Variants in CCDC88A observed in about 807,000 individuals in gnomAD.
CCDC88A encodes the protein girdin.
A neutral mutation model predicts 234.3 loss-of-function variants in CCDC88A; 54 were observed. The ratio of observed to expected loss-of-function variants is 0.23; its 90% CI spans 0.19 to 0.29. CCDC88A has a LOEUF of 0.29. Among genes scored for constraint, CCDC88A ranks in the 10% least tolerant of loss-of-function variants. The pLI is 1.00. For synonymous variants in CCDC88A, 753 were observed against 737.8 expected (o/e 1.02, Z -0.33); for missense variants, 1,832 against 2,123.4 (o/e 0.86, Z 2.70).
chr2:55,342,442 C>G lies in CCDC88A; in HGVS notation c.1333+1206G>C, dbSNP rs568247695. Among the ~76,000 whole-genome samples the G allele has an allele frequency of 8.5e-5, 13 of 152,250 alleles. No individual in the cohort carries two copies. In the South Asian group the frequency reaches 2.7e-3, roughly 32 times the overall value. On this transcript the variant is annotated intron_variant, in intron 12 of 32. Coordinates refer to ENST00000436346, the MANE Select transcript of CCDC88A (RefSeq NM_001365480.1). ...TATTTAAGGGCCTCACAAATATCAA[C>G]AATTTAATCCTCAGAAGTCTAGATG...
At chr2:55,389,967 G>A (rs563698046) in intron 2 of CCDC88A, among the ~76,000 whole-genome samples, 192 of 147,184 alleles carry the variant, frequency 1.3e-3, no homozygotes, top group Non-Finnish European at 2.3e-3. Flanking sequence ...CTTGAACCCA[G>A]GAGGCAGAGG....
intron 9 of CCDC88A, among the ~76,000 whole-genome samples, chr2:55,347,933 G>A (rs554731651): frequency 6.6e-6 from 1 of 151,054 alleles, no homozygotes; most frequent in South Asian, 2.1e-4. Context: ...TTTAGAGATG[G>A]AGTCTAACAT....
chr2:55,344,427 A>T lies in CCDC88A; in HGVS notation c.1129T>A (p.Leu377Ile). The T allele has an allele frequency of 6.3e-7, 1 of 1,588,396 alleles. No homozygotes were observed. Among genetic ancestry groups the T allele is most frequent in the Non-Finnish European group, 8.6e-7 (1 of 1,164,034 alleles). Reference sequence around the variant, plus strand: ...AAGTTCTCTTTTTCTAATTCATGTAATTTATCAGAACGAGCACGAGTTCCC... The same window carrying T: ...AAGTTCTCTTTTTCTAATTCATGTATTTTATCAGAACGAGCACGAGTTCCC... Reference protein sequence around the residue: ...LEGTRARSDKLHELEKENLQL... With the variant: ...LEGTRARSDKIHELEKENLQL... Residue 377 changes from leucine to isoleucine, a missense_variant, in exon 11 of 33, where the codon TTA (leucine) becomes ATA (isoleucine). Physicochemically the swap from Leu to Ile is conservative, Grantham distance 5. Around this residue, in one of 6 missense-constraint regions of CCDC88A, gnomAD observed 1,282 missense variants for 1,543.6 expected, o/e 0.83. Transcript: ENST00000436346.
intron 8 of CCDC88A, among the ~76,000 whole-genome samples, chr2:55,353,691 T>C (rs1451991358): frequency 6.7e-6 from 1 of 150,258 alleles, no homozygotes; most frequent in Non-Finnish European, 1.5e-5. Flanking sequence ...AAAAATCCTT[T>C]GTTCTTTTAA....
intron 2 of CCDC88A, chr2:55,404,307 C>A (rs1679196807): frequency 6.6e-6 from 1 of 152,072 alleles, no homozygotes; most frequent in South Asian, 2.1e-4. Context: ...TTCCAATCAT[C>A]AATTTCTCTA....
Position 55,328,186 on chromosome 2 carries a change from C to A in CCDC88A, c.2997+108G>T. 1 of 865,082 alleles carries A rather than the reference C, an allele frequency of 1.2e-6. No individual in the cohort carries two copies. The highest frequency in any genetic ancestry group is 1.8e-6 in the Non-Finnish European group (1 of 567,340). The allele number at this position is 865,082 out of a possible 1,614,324, so 53.6% of individuals were successfully genotyped here. A position where few individuals can be genotyped will look rare whatever the true frequency, so the allele number is the denominator to read the frequency against. On this transcript the variant is annotated intron_variant, in intron 17 of 32. Transcript: ENST00000436346. This position sits in a 1 kb window ranked among gnomAD's most constrained non-coding sequence, Gnocchi z 4.3. The stretch of plus-strand genomic sequence containing the variant: ...AGTTTATGAAAAAGGAAGAAATAGA[C>A]TAAATATCAATAAAATGTTTATATT...
chr2:55,363,357 ACT>A (rs1415791644), intron 6 of CCDC88A, among the ~76,000 whole-genome samples: 3 of 151,996 alleles, frequency 2.0e-5, no homozygotes, highest in Non-Finnish European at 4.4e-5. Context: ...AATTTAACAT[ACT>A]AATTCTAAAG....
chr2:55,352,609 A>G (rs1246198617), intron 8 of CCDC88A, among the ~76,000 whole-genome samples: 1 of 152,216 alleles, frequency 6.6e-6, no homozygotes, highest in Non-Finnish European at 1.5e-5. Flanking sequence ...TGAATAGTTT[A>G]TATTAGAAAA....
chr2:55,411,290 T>A (rs543651848), intron 2 of CCDC88A, among the ~76,000 whole-genome samples: 141 of 152,282 alleles, frequency 9.3e-4, no homozygotes, highest in Non-Finnish European at 1.7e-3. Context: ...TAGTCTCCCA[T>A]AATATATATT....
In CCDC88A at chr2:55,317,889, T is replaced by G. The variant is rs371496392; in HGVS notation, c.3325-48A>C. Reference sequence around the variant, plus strand: ...CAGACATAAGAAAAACAGTTCATGTTCTTTTTCAAAATACAAGATTACAAT... The same window carrying G: ...CAGACATAAGAAAAACAGTTCATGTGCTTTTTCAAAATACAAGATTACAAT... On this transcript the variant is annotated intron_variant, in intron 19 of 32. Coordinates refer to ENST00000436346, the MANE Select transcript of CCDC88A (RefSeq NM_001365480.1). This position sits in a 1 kb window ranked among gnomAD's most constrained non-coding sequence, Gnocchi z 4.2. 1 of 1,292,690 alleles carries G rather than the reference T, an allele frequency of 7.7e-7. No individual in the cohort carries two copies. Among genetic ancestry groups the G allele is most frequent in the Admixed American group, 2.2e-5 (1 of 44,666 alleles). 80.1% of individuals were successfully genotyped at this position (1,292,690 alleles called of 1,614,324 possible).
Position 55,296,381 on chromosome 2 carries a change from G to C in CCDC88A, c.4968C>G (p.Leu1656=), listed in dbSNP as rs1409991896. 1.9e-6 allele frequency: 3 copies of C among 1,614,054 alleles called. No homozygotes were observed. The East Asian group carries it at 6.7e-5, about 36-fold the overall frequency. Residue 1656 remains leucine (L), a synonymous_variant, in exon 30 of 33, where the codon CTC becomes CTG. Coordinates refer to ENST00000436346, the MANE Select transcript of CCDC88A (RefSeq NM_001365480.1). ...CCAGTGTTTCAGATATTTTGTGCTGGAGCACTGGGCTTGATCTGGTCTGTC... is the reference window on the plus strand; with the variant it reads ...CCAGTGTTTCAGATATTTTGTGCTGCAGCACTGGGCTTGATCTGGTCTGTC... ...LKRQTRSSPV[L]QHKISETLES... is the part of the protein sequence containing the mutation.
In CCDC88A at chr2:55,334,838, T is replaced by A; in HGVS notation, c.1983A>T (p.Leu661Phe). The A allele has an allele frequency of 6.4e-7, 1 of 1,553,422 alleles. No homozygotes were observed. Among genetic ancestry groups the A allele is most frequent in the Non-Finnish European group, 8.7e-7 (1 of 1,142,912 alleles). The change falls in exon 15 of 33, where the codon TTA becomes TTT. Residue 661 changes from leucine to phenylalanine, a missense_variant. Around this residue, in one of 6 missense-constraint regions of CCDC88A, gnomAD observed 1,282 missense variants for 1,543.6 expected, o/e 0.83. Transcript: ENST00000436346. The surrounding 1 kb of genome is among the most constrained non-coding windows in gnomAD (Gnocchi z 6.1). ...TTTCTAGCTCTGAATTTTCTTGTTC[T>A]AAGGCCTCAATTTTTTCACAAGTAA... ...LKITCEKIEA[L>F]EQENSELERE...
At position 55,318,872 on chromosome 2, in the gene CCDC88A, T is replaced by C. The variant is rs1402086334; in HGVS notation, c.3295A>G (p.Thr1099Ala). The C allele has an allele frequency of 1.9e-6, 3 of 1,610,816 alleles. No homozygotes were observed. The highest frequency in any genetic ancestry group is 2.5e-6 in the Non-Finnish European group (3 of 1,178,124). Reference protein sequence around the residue: ...QTVSLQEQNTTLQTQNAKLQV... With the variant: ...QTVSLQEQNTALQTQNAKLQV... ...AGCTTGGCATTCTGTGTTTGAAGAG[T>C]GGTATTCTGTTCTTGTAATGACACT... The change falls in exon 19 of 33, where the codon ACT becomes GCT. Residue 1099 changes from threonine to alanine, a missense_variant. Around this residue, in one of 6 missense-constraint regions of CCDC88A, gnomAD observed 1,282 missense variants for 1,543.6 expected, o/e 0.83. Transcript: ENST00000436346.
intron 22 of CCDC88A, chr2:55,315,353 A>T (rs1332217145): frequency 6.6e-6 from 1 of 152,264 alleles, no homozygotes; most frequent in Non-Finnish European, 1.5e-5. Context: ...TGCCTCAGAC[A>T]ACCACAGTTC....
intron 25 of CCDC88A, among the ~76,000 whole-genome samples, chr2:55,303,874 T>A (rs988261231): frequency 5.9e-5 from 9 of 152,230 alleles, no homozygotes; most frequent in African/African-American, 2.2e-4. Context: ...ATTTTAACTA[T>A]TTTAACTTTT....
intron 7 of CCDC88A, among the ~76,000 whole-genome samples, chr2:55,359,657 A>C (rs1367448218): frequency 6.6e-6 from 1 of 150,968 alleles, no homozygotes; most frequent in Non-Finnish European, 1.5e-5. Flanking sequence ...AATGATATAT[A>C]TCATTTTTGT....
Position 55,355,629 on chromosome 2 carries a change from C to T in CCDC88A, c.750G>A (p.Ser250=), listed in dbSNP as rs759533468. 2.5e-5 allele frequency: 41 copies of T among 1,613,918 alleles called. No individual in the cohort carries two copies. The highest frequency in any genetic ancestry group is 4.4e-5 in the South Asian group (4 of 91,070). Residue 250 remains serine (S), a synonymous_variant, in exon 8 of 33, where the codon TCG becomes TCA. Coordinates refer to ENST00000436346, the MANE Select transcript of CCDC88A (RefSeq NM_001365480.1). ...MKRTESRQHL[S]VELADAKAKI... ...TGGCTTTAGCATCTGCCAGTTCCAC[C>T]GACAGATGTTGTCGACTTTCTGTTC...
intron 2 of CCDC88A, among the ~76,000 whole-genome samples, chr2:55,411,930 G>A (rs973236226): frequency 6.6e-6 from 1 of 151,834 alleles, no homozygotes; most frequent in Admixed American, 6.6e-5. Flanking sequence ...ATATAACATC[G>A]GTGGGAAAAA....
At chr2:55,336,937 A>G in intron 13 of CCDC88A, 119 bp from the exon 14 acceptor site, 1 of 576,696 alleles carries the variant, frequency 1.7e-6, no homozygotes, top group East Asian at 3.4e-5. Flanking sequence ...AAATGCTAAA[A>G]TTTAAGAAAT....
Sources: allele counts gnomAD v4.1 joint callset (sites outside exome capture counted in the v4.1 genomes callset), GRCh38; gene constraint gnomAD v4.1.1; regional missense constraint gnomAD v4.1.1; non-coding constraint Gnocchi (gnomAD v3.1); transcripts MANE v1.5; gene names NCBI Gene and HGNC (gene_info 2026-07-23, HGNC 2026-07-21).